PFKFB3: variants seen among roughly 807,000 people sequenced by gnomAD.
PFKFB3 encodes 6-phosphofructo-2-kinase/fructose-2,6-biphosphatase 3.
Under a neutral mutation model 68.0 loss-of-function variants are expected in PFKFB3, and 33 were observed. The observed-to-expected ratio is 0.49, with a 90% CI of 0.37 to 0.65. The LOEUF is 0.65. Among genes scored for constraint, PFKFB3 ranks in the 30% least tolerant of loss-of-function variants. The probability of loss-of-function intolerance (pLI) is 0.00; values close to 1 mark genes in which losing one functional copy is unlikely to be tolerated. For synonymous variants in PFKFB3, 315 were observed against 288.2 expected, an observed-to-expected ratio of 1.09 and a Z score of -0.94; for missense variants, 586 against 712.2, an observed-to-expected ratio of 0.82 and a Z score of 2.02.
At chr10:6,235,771 CTTTT>C (rs55776515), downstream of PFKFB3, among the ~76,000 whole-genome samples, 27 of 135,364 alleles carry the variant, frequency 2.0e-4, no homozygotes, top group Admixed American at 1.1e-3. Context: ...TCTTTTTTTT[CTTTT>C]TTTTTTTTTG....
At chr10:6,313,503 G>T in the PFKFB3 span, among the ~76,000 whole-genome samples, 2 of 152,186 alleles carry the variant, frequency 1.3e-5, no homozygotes, top group Admixed American at 6.5e-5. The surrounding 1 kb of genome is among the most constrained non-coding windows in gnomAD (Gnocchi z 4.2). Context: ...CCCCTTGTAA[G>T]TTCCTGCTCC....
At chr10:6,155,406 A>G (rs903254510) in intron 1 of PFKFB3, among the ~76,000 whole-genome samples, 12 of 151,730 alleles carry the variant, frequency 7.9e-5, no homozygotes, top group South Asian at 2.1e-4. Flanking sequence ...GGGTTTCACC[A>G]TGTTAGCCAG....
At chr10:6,312,188 G>A in the PFKFB3 span, among the ~76,000 whole-genome samples, 1 of 152,156 alleles carries the variant, frequency 6.6e-6, no homozygotes, top group African/African-American at 2.4e-5. Flanking sequence ...CTGATTAGGC[G>A]GACAGGCTTC....
chr10:6,257,044 T>A (rs887712923), downstream of PFKFB3, among the ~76,000 whole-genome samples: 8 of 152,136 alleles, frequency 5.3e-5, no homozygotes, highest in African/African-American at 1.4e-4. Context: ...ATATTTAAAA[T>A]TTTTTTTTCT....
At chr10:6,221,856 T>C in intron 10 of PFKFB3, 111 bp downstream of exon 10, 1 of 691,542 alleles carries the variant, frequency 1.4e-6, no homozygotes, top group Non-Finnish European at 2.5e-6. Context: ...TGGGGGCTCC[T>C]ACACCCTCCA....
chr10:6,299,968 CTT>C, the PFKFB3 span, among the ~76,000 whole-genome samples: 83 of 48,572 alleles, frequency 1.7e-3, no homozygotes, highest in African/African-American at 6.8e-3. Context: ...GTTCAGAAGA[CTT>C]TTTTTTTTTT....
At chr10:6,211,896 C>T (rs1286767605) in intron 1 of PFKFB3, among the ~76,000 whole-genome samples, 6 of 152,224 alleles carry the variant, frequency 3.9e-5, no homozygotes, top group Non-Finnish European at 4.4e-5. Flanking sequence ...GCTTCCCTGC[C>T]CCCACCTCCA....
At chr10:6,311,801 A>G in the PFKFB3 span, among the ~76,000 whole-genome samples, 1 of 152,134 alleles carries the variant, frequency 6.6e-6, no homozygotes, top group Non-Finnish European at 1.5e-5. Context: ...CAAACCCACA[A>G]TGGTGTGCAG....
At chr10:6,223,518 C>T (rs886800197) in intron 11 of PFKFB3, among the ~76,000 whole-genome samples, 8 of 152,156 alleles carry the variant, frequency 5.3e-5, no homozygotes, top group Non-Finnish European at 1.0e-4. Context: ...AGCTGCTGCC[C>T]GGGACAGCTT....
the PFKFB3 span, among the ~76,000 whole-genome samples, chr10:6,311,105 CA>C: frequency 6.6e-6 from 1 of 152,158 alleles, no homozygotes; most frequent in African/African-American, 2.4e-5. Context: ...TGGGAATGAA[CA>C]GAGACAGAAC....
chr10:6,281,166 C>CATATAT, the PFKFB3 span, among the ~76,000 whole-genome samples: 618 of 84,524 alleles, frequency 7.3e-3, 37 homozygotes, highest in African/African-American at 0.019. Context: ...AGTATTCCAT[C>CATATAT]ATATATATAT....
At chr10:6,271,112 C>A in the PFKFB3 span, among the ~76,000 whole-genome samples, 14 of 152,168 alleles carry the variant, frequency 9.2e-5, no homozygotes, top group Non-Finnish European at 1.6e-4. Flanking sequence ...AGTATTCAAC[C>A]ACTTCCCCCG....
intron 4 of PFKFB3, 86 bp downstream of exon 4, chr10:6,216,277 C>T (rs1844574245): frequency 7.9e-7 from 1 of 1,270,412 alleles, no homozygotes; most frequent in Non-Finnish European, 1.2e-6. Flanking sequence ...GAGACCTGTG[C>T]CTCTGGCCCT....
intron 1 of PFKFB3, among the ~76,000 whole-genome samples, chr10:6,175,397 G>C (rs1483074329): frequency 6.6e-6 from 1 of 152,190 alleles, no homozygotes; most frequent in Non-Finnish European, 1.5e-5. Context: ...GATTTGCCTG[G>C]CATGGATTGC....
intron 1 of PFKFB3, among the ~76,000 whole-genome samples, chr10:6,192,807 T>C (rs1419033437): frequency 6.6e-6 from 1 of 151,786 alleles, no homozygotes; most frequent in East Asian, 1.9e-4. Context: ...ACATCTGGGG[T>C]GGGCTTGCAC....
At chr10:6,232,548 T>G (rs11257456) in intron 14 of PFKFB3, among the ~76,000 whole-genome samples, 95,068 of 151,962 alleles carry the variant, frequency 0.63, 30,251 homozygotes, top group East Asian at 0.89. Context: ...TGGCTGTGGT[T>G]TGTGGGATTT....
intron 8 of PFKFB3, 47 bp from the exon 9 acceptor site, chr10:6,221,334 G>A (rs747462341): frequency 1.9e-6 from 3 of 1,607,716 alleles, no homozygotes; most frequent in Non-Finnish European, 2.5e-6. Context: ...GCTCTTGGAG[G>A]AGCTGCGGGC....
chr10:6,286,292 T>C, the PFKFB3 span, among the ~76,000 whole-genome samples: 3 of 151,654 alleles, frequency 2.0e-5, no homozygotes, highest in African/African-American at 7.3e-5. Context: ...ACTTTTAATC[T>C]ATTTATATCT....
At chr10:6,171,656 G>A (rs77988371) in intron 1 of PFKFB3, among the ~76,000 whole-genome samples, 1,653 of 152,320 alleles carry the variant, frequency 0.011, 70 homozygotes, top group East Asian at 0.1. Flanking sequence ...GCCTCCCAAA[G>A]TGCCAAGATG....
Sources: gnomAD v4.1 joint callset for allele counts (sites outside exome capture counted in the v4.1 genomes callset) on GRCh38, gnomAD v4.1.1 for gene constraint, Gnocchi (gnomAD v3.1) non-coding constraint, MANE v1.5 for transcripts, NCBI Gene and HGNC (gene_info 2026-07-23, HGNC 2026-07-21) for gene names.